Variants in IGF2BP3 observed in about 807,000 individuals in gnomAD.
The protein encoded by IGF2BP3 is insulin like growth factor 2 mRNA binding protein 3, also known as insulin-like growth factor 2 mRNA-binding protein 3.
A neutral mutation model predicts 73.8 loss-of-function variants in IGF2BP3; 9 were observed. The ratio of observed to expected loss-of-function variants is 0.12; its 90% confidence interval spans 0.07 to 0.21. The LOEUF (loss-of-function observed/expected upper bound fraction) is 0.21, where lower values mean the gene tolerates loss of function less well. IGF2BP3 is among the 10% of genes least tolerant of loss of function. The pLI, the probability that IGF2BP3 is intolerant of heterozygous loss-of-function variation, is 1.00. For missense variants in IGF2BP3, 542 were observed against 714.0 expected (o/e 0.76, Z 2.75); for synonymous variants, 258 against 256.7 (o/e 1.01, Z -0.05).
intron 2 of IGF2BP3, among the ~76,000 whole-genome samples, chr7:23,450,882 A>G (rs1788180893): frequency 6.6e-6 from 1 of 152,198 alleles, no homozygotes; most frequent in Admixed American, 6.5e-5. Flanking sequence ...CTCAATTTAA[A>G]TTTAAAAAGG....
intron 3 of IGF2BP3, among the ~76,000 whole-genome samples, chr7:23,394,255 C>T (rs1488600932): frequency 1.3e-5 from 2 of 152,076 alleles, no homozygotes; most frequent in Non-Finnish European, 2.9e-5. Context: ...GTGTATAAGC[C>T]CAGGAGTTGG....
chr7:23,363,294 T>C (rs1785278759), intron 3 of IGF2BP3, among the ~76,000 whole-genome samples: 1 of 152,206 alleles, frequency 6.6e-6, no homozygotes, highest in Admixed American at 6.5e-5. Flanking sequence ...TCACCTATGC[T>C]GGAGTGCAGT....
intron 3 of IGF2BP3, among the ~76,000 whole-genome samples, chr7:23,363,792 T>C (rs1487895172): frequency 2.6e-5 from 4 of 152,236 alleles, no homozygotes; most frequent in African/African-American, 7.2e-5. Flanking sequence ...GTATATCTTA[T>C]AGGAAGAGTA....
chr7:23,370,677 T>A (rs73279802), intron 3 of IGF2BP3, among the ~76,000 whole-genome samples: 2,814 of 148,964 alleles, frequency 0.019, 83 homozygotes, highest in African/African-American at 0.069. Context: ...GTTTTTTGGT[T>A]TTTTTGTTTT....
rs762250184 is a variant in IGF2BP3, at chr7:23,342,081, G to C, written c.1186C>G (p.Pro396Ala). The C allele has an allele frequency of 6.3e-7, 1 of 1,588,108 alleles. No homozygotes were observed. The highest frequency in any genetic ancestry group is 1.4e-5 in the African/African-American group (1 of 73,442). ...TATCTTACCTCAAACTGCGGGTAGG[G>C]AGGAGTCATGGCTGAAGGGGGCCCT... ...TSGPPSAMTP[P>A]YPQFEQSETE... The change falls in exon 10 of 15, where the codon CCC becomes GCC. Residue 396 changes from proline to alanine, a missense_variant. This residue lies in a region of IGF2BP3 where 303 missense variants were observed against 472.1 expected (regional missense o/e 0.64). Transcript: ENST00000258729.
chr7:23,348,781 T>C (rs1784893008), intron 6 of IGF2BP3, among the ~76,000 whole-genome samples: 1 of 152,192 alleles, frequency 6.6e-6, no homozygotes, highest in African/African-American at 2.4e-5. Context: ...TGATCATTTG[T>C]AGTTGAGAAC....
chr7:23,329,625 C>T (rs1433477388), intron 10 of IGF2BP3, among the ~76,000 whole-genome samples: 2 of 152,154 alleles, frequency 1.3e-5, no homozygotes, highest in Non-Finnish European at 2.9e-5. Flanking sequence ...TTGAATACTG[C>T]CTTTGTTTTC....
intron 10 of IGF2BP3, among the ~76,000 whole-genome samples, chr7:23,332,730 A>T (rs1784474029): frequency 6.6e-6 from 1 of 152,180 alleles, no homozygotes; most frequent in South Asian, 2.1e-4. Flanking sequence ...TTATCCCTTT[A>T]TGGCCTTTTT....
Position 23,310,805 on chromosome 7 carries a change from G to T in IGF2BP3, c.*1557C>A, listed in dbSNP as rs1318066804. 6.6e-6 allele frequency: 1 copy of T among 151,652 alleles called. No homozygotes were observed. The highest frequency in any genetic ancestry group is 2.4e-5 in the African/African-American group (1 of 41,266). 9.4% of individuals were successfully genotyped at this position (151,652 alleles called of 1,614,324 possible). ...GAGGCAGTGATTTTTTTTTTAAAGG[G>T]TTATATATATGTCCTTTAGATCAGT... is the stretch of plus-strand genomic sequence containing the variant. On this transcript the variant is annotated 3_prime_UTR_variant, in exon 15 of 15. Transcript: ENST00000258729.
chr7:23,321,423 CG>C (rs1237350431), intron 10 of IGF2BP3, among the ~76,000 whole-genome samples: 1 of 151,144 alleles, frequency 6.6e-6, no homozygotes, highest in African/African-American at 2.4e-5. Context: ...GAGGGTCGTA[CG>C]CCCACGGAGT....
intron 2 of IGF2BP3, among the ~76,000 whole-genome samples, chr7:23,424,453 C>T (rs1216760656): frequency 6.6e-6 from 1 of 152,138 alleles, no homozygotes; most frequent in Non-Finnish European, 1.5e-5. Flanking sequence ...GCCGAGATCG[C>T]ACCACTGCAC....
rs554308320 is a variant in IGF2BP3 at position 23,349,090 on chromosome 7, A to T, written c.684-1356T>A. 1.3e-4 allele frequency among the ~76,000 whole-genome samples: 20 copies of T among 152,362 alleles called. No individual in the cohort carries two copies. The East Asian group carries it at 3.9e-3, about 29-fold the overall frequency. The stretch of plus-strand genomic sequence containing the variant: ...GACGAATGGTAACTTTTTAATTTAC[A>T]TATTTATATGTTTTGAATTAAATAT... On this transcript the variant is annotated intron_variant, in intron 6 of 14. Coordinates refer to ENST00000258729, the MANE Select transcript of IGF2BP3 (RefSeq NM_006547.3).
In IGF2BP3 at chr7:23,336,251, T is replaced by C. The variant is rs562290983; in HGVS notation, c.1203+5813A>G. On this transcript the variant is annotated intron_variant, in intron 10 of 14. Transcript: ENST00000258729. ...CCTACTTCTTGACAGGCAATATACA[T>C]TTAAAATAAAAGCAGAAGTTCACTG... 1.7e-4 allele frequency among the ~76,000 whole-genome samples: 26 copies of C among 152,228 alleles called. 1 individual carries two copies. The highest frequency in any genetic ancestry group is 5.5e-4 in the African/African-American group (23 of 41,532).
intron 3 of IGF2BP3, among the ~76,000 whole-genome samples, chr7:23,376,002 G>A (rs1785705410): frequency 6.6e-6 from 1 of 152,150 alleles, no homozygotes; most frequent in East Asian, 1.9e-4. Context: ...TTTAGCATGA[G>A]CAGTTCTCAA....
At chr7:23,445,189 A>C (rs1256740057) in intron 2 of IGF2BP3, among the ~76,000 whole-genome samples, 1 of 152,256 alleles carries the variant, frequency 6.6e-6, no homozygotes, top group African/African-American at 2.4e-5. Flanking sequence ...TAAACTGCAC[A>C]GTAGTTGCAT....
At chr7:23,393,917 C>T (rs1358663588) in intron 3 of IGF2BP3, among the ~76,000 whole-genome samples, 1 of 152,088 alleles carries the variant, frequency 6.6e-6, no homozygotes, top group Non-Finnish European at 1.5e-5. Context: ...TGACCTTCAC[C>T]AATGGACTGG....
At chr7:23,389,303 G>A (rs905474920) in intron 3 of IGF2BP3, among the ~76,000 whole-genome samples, 4 of 151,916 alleles carry the variant, frequency 2.6e-5, no homozygotes, top group African/African-American at 7.3e-5. Context: ...TGGGATTACA[G>A]GCACACGCCA....
chr7:23,321,361 C>T (rs1013351944), intron 10 of IGF2BP3, among the ~76,000 whole-genome samples: 6 of 152,164 alleles, frequency 3.9e-5, no homozygotes, highest in Non-Finnish European at 8.8e-5. Context: ...TGCGCTTTTC[C>T]GACGGGCTTA....
Position 23,440,286 on chromosome 7 carries a change from AT to A in IGF2BP3, c.237-21463del, listed in dbSNP as rs758043717. Among the ~76,000 whole-genome samples, 1,040 of 147,464 alleles carry A rather than the reference AT, an allele frequency of 7.1e-3. 10 individuals are homozygous for A. The highest frequency in any genetic ancestry group is 0.012 in the Non-Finnish European group (786 of 66,056). ...AGTTATTTCAAAAAAAAAAAAAAAA[AT>A]TAGCTGGGCATGGTGGCACGTGCCC... On this transcript the variant is annotated intron_variant, in intron 2 of 14. Transcript: ENST00000258729.
Sources: gnomAD v4.1 joint callset for allele counts (sites outside exome capture counted in the v4.1 genomes callset) on GRCh38, gnomAD v4.1.1 for gene constraint, gnomAD v4.1.1 regional missense constraint, MANE v1.5 for transcripts, NCBI Gene and HGNC (gene_info 2026-07-23, HGNC 2026-07-21) for gene names.